The following RYR3 variants were observed in gnomAD, a reference collection of about 807,000 sequenced individuals.
RYR3 encodes the protein ryanodine receptor 3, also known as brain ryanodine receptor-calcium release channel.
Under a neutral mutation model 584.3 loss-of-function variants are expected in RYR3, and 207 were observed. The ratio of observed to expected loss-of-function variants is 0.35; its 90% CI spans 0.32 to 0.40. The LOEUF (loss-of-function observed/expected upper bound fraction) is 0.40, where lower values mean the gene tolerates loss of function less well. RYR3 is among the 10% of genes least tolerant of loss of function. The probability of loss-of-function intolerance (pLI) is 1.00; values close to 1 mark genes in which losing one functional copy is unlikely to be tolerated. For missense variants in RYR3, 5,616 were observed against 6,089.2 expected (o/e 0.92, Z 2.59); for synonymous variants, 2,416 against 2,248.5 (o/e 1.07, Z -2.11).
intron 60 of RYR3, among the ~76,000 whole-genome samples, chr15:33,761,459 A>G (rs2072442753): frequency 6.6e-6 from 1 of 152,256 alleles, no homozygotes; most frequent in African/African-American, 2.4e-5. Context: ...CCGTTAGAGA[A>G]TACTACAAAC....
intron 2 of RYR3, among the ~76,000 whole-genome samples, chr15:33,500,184 A>G (rs2051839294): frequency 2.0e-5 from 3 of 152,226 alleles, no homozygotes; most frequent in African/African-American, 7.2e-5. Flanking sequence ...TCAATGCATC[A>G]AGAACGATAT....
In RYR3 at chr15:33,464,485, T is replaced by C. The variant is rs750181059; in HGVS notation, c.52-8934T>C. On this transcript the variant is annotated intron_variant, in intron 1 of 103. Transcript: ENST00000634891. ...GGAGATATATATATATATATATATATATATACACATATATATATACATACA... is the reference window on the plus strand; with the variant it reads ...GGAGATATATATATATATATATATACATATACACATATATATATACATACA... Among the ~76,000 whole-genome samples, 27 of 90,176 alleles carry C rather than the reference T, an allele frequency of 3.0e-4. 3 individuals carry two copies. The highest frequency in any genetic ancestry group is 1.2e-3 in the African/African-American group (26 of 21,312). 59.2% of individuals were successfully genotyped at this position (90,176 alleles called of 152,430 possible).
chr15:33,746,095 T>C lies in RYR3; in HGVS notation c.7927T>C (p.Ser2643Pro), dbSNP rs1291251827. The C allele has an allele frequency of 6.2e-7, 1 of 1,600,204 alleles. No homozygotes were observed. Among genetic ancestry groups the C allele is most frequent in the African/African-American group, 1.3e-5 (1 of 74,858 alleles). Residue 2643 changes from serine to proline, a missense_variant, in exon 53 of 104, where the codon TCC becomes CCC. Physicochemically the swap from Ser to Pro is moderately conservative, Grantham distance 74. This residue lies in a region of RYR3 where 1,280 missense variants were observed against 1,426.2 expected (regional missense o/e 0.90). Coordinates refer to ENST00000634891, the MANE Select transcript of RYR3 (RefSeq NM_001036.6). ...KSQSGWKYGI[S>P]LDENVKTHPL... ...TCAGAGTGGATGGAAATATGGGATTTCCCTGGATGAAAATGTGAAGACCCA... is the reference window on the plus strand; with the variant it reads ...TCAGAGTGGATGGAAATATGGGATTCCCCTGGATGAAAATGTGAAGACCCA...
chr15:33,748,578 T>C, intron 55 of RYR3, 48 bp downstream of exon 55: 1 of 1,468,704 alleles, frequency 6.8e-7, no homozygotes, highest in Non-Finnish European at 9.5e-7. Flanking sequence ...GCAGGACGCA[T>C]TACCTTCCAA....
intron 2 of RYR3, among the ~76,000 whole-genome samples, chr15:33,482,777 C>T (rs2050089222): frequency 6.6e-6 from 1 of 152,068 alleles, no homozygotes; most frequent in Non-Finnish European, 1.5e-5. Flanking sequence ...TTTATCTTGC[C>T]TGGATTTTGA....
chr15:33,522,347 C>A (rs1018736697), intron 3 of RYR3, among the ~76,000 whole-genome samples: 1 of 152,154 alleles, frequency 6.6e-6, no homozygotes, highest in Non-Finnish European at 1.5e-5. Context: ...GTGTCGCCCC[C>A]TTTCAAGCAT....
rs1336123907 is a variant in RYR3 at position 33,819,751 on chromosome 15, T to C, written c.10707-5T>C. 2.6e-6 allele frequency: 4 copies of C among 1,513,498 alleles called. No individual in the cohort carries two copies. The highest frequency in any genetic ancestry group is 2.4e-5 in the East Asian group (1 of 41,882). 93.8% of individuals were successfully genotyped at this position (1,513,498 alleles called of 1,614,324 possible). A position where few individuals can be genotyped will look rare whatever the true frequency, so the allele number is the denominator to read the frequency against. The stretch of plus-strand genomic sequence containing the variant: ...CCTGCTAAATATTTCCTCCATTCTT[T>C]CCAGCAAATTGGAAGACGACCCTTT... On this transcript the variant is annotated splice_polypyrimidine_tract_variant and splice_region_variant and intron_variant, in intron 76 of 103. Transcript: ENST00000634891.
Position 33,857,854 on chromosome 15 carries a change from G to A in RYR3, c.14082G>A (p.Lys4694=). ...YTVVAFNFFR[K]FYNKSEDDDE... is the part of the protein sequence containing the mutation. ...TGGTGGCTTTCAACTTCTTCCGCAA[G>A]TTCTACAACAAAAGCGAAGACGATG... Residue 4694 remains lysine (K), a synonymous_variant, in exon 99 of 104, where the codon AAG becomes AAA. Coordinates refer to ENST00000634891, the MANE Select transcript of RYR3 (RefSeq NM_001036.6). The A allele has an allele frequency of 6.2e-7, 1 of 1,614,188 alleles. No homozygotes were observed. The highest frequency in any genetic ancestry group is 8.5e-7 in the Non-Finnish European group (1 of 1,180,026).
At chr15:33,519,483 T>A (rs1173779574) in intron 3 of RYR3, among the ~76,000 whole-genome samples, 1 of 152,088 alleles carries the variant, frequency 6.6e-6, no homozygotes, top group East Asian at 1.9e-4. Flanking sequence ...ACTGCATGCA[T>A]CATACATGAA....
intron 16 of RYR3, among the ~76,000 whole-genome samples, chr15:33,598,557 CAG>C (rs34113576): frequency 0.44 from 67,131 of 151,120 alleles, 15,406 homozygotes; most frequent in East Asian, 0.79. Context: ...ATTTGCAAGA[CAG>C]AATCCCAAAC....
Position 33,525,847 on chromosome 15 carries a change from T to A in RYR3, c.280-4745T>A, listed in dbSNP as rs1333136302. Among the ~76,000 whole-genome samples the A allele has an allele frequency of 2.0e-5, 3 of 152,356 alleles. No individual in the cohort carries two copies. In the East Asian group the frequency reaches 5.8e-4, roughly 29 times the overall value. ...GCTCTAGCCTGTTCAGGAAATATTG[T>A]TCTGTGAGCTTCCAGAAAGACTTCT... On this transcript the variant is annotated intron_variant, in intron 3 of 103. Transcript: ENST00000634891.
chr15:33,859,127 C>A (rs1246539899), intron 99 of RYR3: 1 of 159,218 alleles, frequency 6.3e-6, no homozygotes, highest in African/African-American at 2.4e-5. Flanking sequence ...AAGTCCATTA[C>A]CTTTGACCTT....
intron 1 of RYR3, among the ~76,000 whole-genome samples, chr15:33,357,595 G>A (rs867566686): frequency 6.6e-6 from 1 of 152,074 alleles, no homozygotes; most frequent in Non-Finnish European, 1.5e-5. Flanking sequence ...CTTAAAACAG[G>A]CAATAATCTA....
intron 9 of RYR3, 64 bp from the exon 10 acceptor site, chr15:33,550,096 G>A: frequency 1.3e-6 from 2 of 1,521,210 alleles, no homozygotes; most frequent in African/African-American, 1.4e-5. Flanking sequence ...GAAAGCATAG[G>A]ATAAATACTG....
Position 33,857,937 on chromosome 15 carries a change from G to A in RYR3, c.14142+23G>A. On this transcript the variant is annotated intron_variant, in intron 99 of 103. Coordinates refer to ENST00000634891, the MANE Select transcript of RYR3 (RefSeq NM_001036.6). ...ACGGTGAGAGCCCACCCACTGCGGGGCCAGCCCACCCACTGCGGGGCCACC... is the reference window on the plus strand; with the variant it reads ...ACGGTGAGAGCCCACCCACTGCGGGACCAGCCCACCCACTGCGGGGCCACC... 4 of 1,379,592 alleles carry A rather than the reference G, an allele frequency of 2.9e-6. No homozygotes were observed. In the South Asian group the frequency reaches 4.7e-5, roughly 16 times the overall value. 85.5% of individuals were successfully genotyped at this position (1,379,592 alleles called of 1,614,324 possible).
chr15:33,747,970 C>T (rs2070911811), intron 53 of RYR3, 144 bp from the exon 54 acceptor site: 2 of 713,238 alleles, frequency 2.8e-6, no homozygotes, highest in South Asian at 3.5e-5. Flanking sequence ...TAAGATGCCA[C>T]AAAGGATGTT....
In RYR3 at chr15:33,858,173, ATCAT is replaced by A. The variant is rs1424810261; in HGVS notation, c.14142+264_14142+267del. On this transcript the variant is annotated intron_variant, in intron 99 of 103. Coordinates refer to ENST00000634891, the MANE Select transcript of RYR3 (RefSeq NM_001036.6). ...GGGAAGCACCCTGCACAGTGGCGTC[ATCAT>A]TCATCTATTTCCGGGGTAAAGATGA... The A allele has an allele frequency of 1.9e-5, 8 of 423,380 alleles. No individual in the cohort carries two copies. The Admixed American group carries it at 2.3e-4, about 12-fold the overall frequency. 26.2% of individuals were successfully genotyped at this position (423,380 alleles called of 1,614,324 possible). A position where few individuals can be genotyped will look rare whatever the true frequency, so the allele number is the denominator to read the frequency against.
intron 3 of RYR3, among the ~76,000 whole-genome samples, chr15:33,510,194 T>G (rs906954005): frequency 3.3e-5 from 5 of 152,198 alleles, no homozygotes; most frequent in African/African-American, 1.2e-4. Flanking sequence ...GCTGGGTGTT[T>G]GGAGGTTTAG....
intron 3 of RYR3, among the ~76,000 whole-genome samples, chr15:33,511,606 TAA>T (rs34769143): frequency 1.4e-5 from 2 of 146,728 alleles, no homozygotes; most frequent in Admixed American, 6.8e-5. Flanking sequence ...TCTCTGCAAT[TAA>T]AAAAAAAAAA....
Sources: gnomAD v4.1 joint callset for allele counts (sites outside exome capture counted in the v4.1 genomes callset) on GRCh38, gnomAD v4.1.1 for gene constraint, gnomAD v4.1.1 regional missense constraint, MANE v1.5 for transcripts, NCBI Gene and HGNC (gene_info 2026-07-23, HGNC 2026-07-21) for gene names.